EXOC4: variants seen among roughly 807,000 people sequenced by gnomAD.
The protein encoded by EXOC4 is SEC8-like 1.
A neutral mutation model predicts 107.2 loss-of-function variants in EXOC4; 71 were observed. The ratio of observed to expected loss-of-function variants is 0.66; its 90% CI spans 0.55 to 0.81. EXOC4 has a LOEUF of 0.81. Among genes scored for constraint, EXOC4 ranks in the 30% least tolerant of loss-of-function variants. EXOC4 has a pLI of 0.00. For missense variants in EXOC4, 1,108 were observed against 1,189.6 expected, an observed-to-expected ratio of 0.93 and a Z score of 1.01; for synonymous variants, 456 against 441.2, an observed-to-expected ratio of 1.03 and a Z score of -0.42.
intron 9 of EXOC4, among the ~76,000 whole-genome samples, chr7:133,521,915 G>A (rs868625661): frequency 1.3e-5 from 2 of 151,892 alleles, no homozygotes; most frequent in Non-Finnish European, 1.5e-5. Context: ...CACCATGCCC[G>A]GCCCCATTTC....
In EXOC4 at chr7:133,704,534, G is replaced by C. The variant is rs139187506; in HGVS notation, c.1514+74393G>C. On this transcript the variant is annotated intron_variant, in intron 10 of 17. Coordinates refer to ENST00000253861, the MANE Select transcript of EXOC4 (RefSeq NM_021807.4). The stretch of plus-strand genomic sequence containing the variant: ...ATTTTCAACAATATCTTTCACCACA[G>C]AGCAGAGAATAAGCACAAAAATACA... Among the ~76,000 whole-genome samples, 37 of 152,292 alleles carry C rather than the reference G, an allele frequency of 2.4e-4. No homozygotes were observed. In the East Asian group the frequency reaches 7.0e-3, roughly 29 times the overall value.
chr7:134,007,317 TC>T (rs1259869281), intron 16 of EXOC4, among the ~76,000 whole-genome samples: 1 of 152,176 alleles, frequency 6.6e-6, no homozygotes, highest in Non-Finnish European at 1.5e-5. Flanking sequence ...CTTCTCTGCT[TC>T]CCAATTGTGT....
chr7:133,460,786 T>C (rs1421502103), intron 7 of EXOC4, among the ~76,000 whole-genome samples: 1 of 152,112 alleles, frequency 6.6e-6, no homozygotes, highest in Non-Finnish European at 1.5e-5. Context: ...GTCAAGAAAT[T>C]GGTGATATTA....
chr7:133,990,560 A>G (rs1175083311), intron 14 of EXOC4, among the ~76,000 whole-genome samples: 1 of 152,022 alleles, frequency 6.6e-6, no homozygotes, highest in African/African-American at 2.4e-5. Flanking sequence ...GGTTCAAGCA[A>G]TTCTCCTGCC....
At position 133,570,001 on chromosome 7, in the gene EXOC4, G is replaced by T. The variant is rs79834743; in HGVS notation, c.1418-60044G>T. On this transcript the variant is annotated intron_variant, in intron 9 of 17. Coordinates refer to ENST00000253861, the MANE Select transcript of EXOC4 (RefSeq NM_021807.4). Reference sequence around the variant, plus strand: ...GCGGAACGCAATAAAATATCACATAGTTGCCTAGCCCCTTCTGTACCAAGA... The same window carrying T: ...GCGGAACGCAATAAAATATCACATATTTGCCTAGCCCCTTCTGTACCAAGA... Among the ~76,000 whole-genome samples, 450 of 152,288 alleles carry T rather than the reference G, an allele frequency of 3.0e-3. 2 individuals are homozygous for T. The highest frequency in any genetic ancestry group is 0.01 in the African/African-American group (429 of 41,574).
intron 12 of EXOC4, among the ~76,000 whole-genome samples, chr7:133,916,849 GAC>G (rs1210444116): frequency 1.3e-5 from 2 of 152,160 alleles, no homozygotes; most frequent in African/African-American, 2.4e-5. Context: ...TAGTTACAGT[GAC>G]ACATGTTGAA....
chr7:133,573,978 A>G (rs1030103688), intron 9 of EXOC4, among the ~76,000 whole-genome samples: 1 of 152,200 alleles, frequency 6.6e-6, no homozygotes, highest in African/African-American at 2.4e-5. Context: ...CTTTGGTTAC[A>G]TGTTATTTTT....
chr7:133,808,664 C>T (rs1217536046), intron 10 of EXOC4, among the ~76,000 whole-genome samples: 1 of 152,116 alleles, frequency 6.6e-6, no homozygotes, highest in Non-Finnish European at 1.5e-5. Context: ...GTTTGATTCC[C>T]AAAGCCCAAT....
At chr7:133,796,793 T>G (rs1247119509) in intron 10 of EXOC4, among the ~76,000 whole-genome samples, 2 of 152,126 alleles carry the variant, frequency 1.3e-5, no homozygotes, top group East Asian at 3.9e-4. Flanking sequence ...TCTATGTCTT[T>G]GGGTTTATTT....
At chr7:133,261,409 G>T (rs926556800) in intron 1 of EXOC4, among the ~76,000 whole-genome samples, 1 of 151,978 alleles carries the variant, frequency 6.6e-6, no homozygotes, top group Non-Finnish European at 1.5e-5. Context: ...TGAGACTATA[G>T]TTGTGTGCCA....
intron 10 of EXOC4, among the ~76,000 whole-genome samples, chr7:133,731,169 A>G (rs1795318108): frequency 6.6e-6 from 1 of 152,182 alleles, no homozygotes; most frequent in South Asian, 2.1e-4. Flanking sequence ...CCTTTTGATC[A>G]TTGCAATAAA....
chr7:133,651,816 CTG>C (rs567264705), intron 10 of EXOC4, among the ~76,000 whole-genome samples: 89 of 152,250 alleles, frequency 5.8e-4, no homozygotes, highest in African/African-American at 2.1e-3. Flanking sequence ...TCCCAAATAA[CTG>C]GGATTACAGG....
At chr7:133,546,756 T>C (rs1179737489) in intron 9 of EXOC4, among the ~76,000 whole-genome samples, 1 of 152,224 alleles carries the variant, frequency 6.6e-6, no homozygotes, top group Non-Finnish European at 1.5e-5. Context: ...TCTATTCTTA[T>C]ATGGTTGGCT....
At chr7:133,991,441 CT>C (rs1232479762) in intron 14 of EXOC4, among the ~76,000 whole-genome samples, 1 of 152,012 alleles carries the variant, frequency 6.6e-6, no homozygotes, top group African/African-American at 2.4e-5. Flanking sequence ...TTTGTAGAAG[CT>C]TTTTTGGCTT....
chr7:133,808,442 A>G (rs1438537568), intron 10 of EXOC4, among the ~76,000 whole-genome samples: 1 of 152,192 alleles, frequency 6.6e-6, no homozygotes, highest in African/African-American at 2.4e-5. Context: ...GACTCAGATA[A>G]TACTAGTGAG....
At chr7:133,681,406 C>T (rs1342126134) in intron 10 of EXOC4, among the ~76,000 whole-genome samples, 1 of 151,766 alleles carries the variant, frequency 6.6e-6, no homozygotes, top group Non-Finnish European at 1.5e-5. Context: ...TAAATGTTCT[C>T]TCTGTATCTA....
chr7:133,790,837 A>G (rs560335276), intron 10 of EXOC4, among the ~76,000 whole-genome samples: 2 of 152,242 alleles, frequency 1.3e-5, no homozygotes, highest in African/African-American at 2.4e-5. Flanking sequence ...ATTCTCAGGC[A>G]TGTGGTCCCA....
intron 13 of EXOC4, among the ~76,000 whole-genome samples, chr7:133,922,495 C>T (rs1480698477): frequency 6.6e-6 from 1 of 152,098 alleles, no homozygotes; most frequent in East Asian, 1.9e-4. Context: ...TATATAGGTT[C>T]TCACTACTTC....
chr7:133,424,315 G>T (rs547103038), intron 7 of EXOC4, among the ~76,000 whole-genome samples: 2 of 152,178 alleles, frequency 1.3e-5, no homozygotes, highest in East Asian at 3.9e-4. Flanking sequence ...CCTGAGGCCA[G>T]CGAGACCACG....
Sources: gnomAD v4.1 joint callset for allele counts (sites outside exome capture counted in the v4.1 genomes callset) on GRCh38, gnomAD v4.1.1 for gene constraint, MANE v1.5 for transcripts, NCBI Gene and HGNC (gene_info 2026-07-23, HGNC 2026-07-21) for gene names.